The following VAT1 variants were observed in gnomAD, a reference collection of about 807,000 sequenced individuals.
VAT1 encodes the protein NADPH-dependent quinone oxidoreductase VAT1.
A neutral mutation model predicts 33.3 loss-of-function variants in VAT1; 24 were observed. The ratio of observed to expected loss-of-function variants is 0.72; its 90% CI spans 0.52 to 1.01. The LOEUF is 1.01. VAT1 is among the 50% of genes least tolerant of loss of function. The pLI is 0.00. For missense variants in VAT1, 436 were observed against 533.7 expected, an observed-to-expected ratio of 0.82 and a Z score of 1.80; for synonymous variants, 212 against 225.0, an observed-to-expected ratio of 0.94 and a Z score of 0.52.
chr17:43,016,526 G>A lies in VAT1; in HGVS notation c.879C>T (p.Gly293=). 1 of 1,613,524 alleles carries A rather than the reference G, an allele frequency of 6.2e-7. No individual in the cohort carries two copies. Among genetic ancestry groups the A allele is most frequent in the Non-Finnish European group, 8.5e-7 (1 of 1,179,946 alleles). Residue 293 remains glycine (G), a synonymous_variant, in exon 5 of 6, where the codon GGC becomes GGT. Coordinates refer to ENST00000355653, the MANE Select transcript of VAT1 (RefSeq NM_006373.4). ...CCAGGGCCATCAGGTTCCGTTTGGG[G>A]CCCGTCAGCAGGTTGGCCATTCCTG... ...VTYGMANLLT[G]PKRNLMALAR...
Position 43,022,139 on chromosome 17 carries a change from C to A in VAT1, c.184G>T (p.Val62Leu), listed in dbSNP as rs1227842547. The A allele has an allele frequency of 2.6e-6, 4 of 1,560,984 alleles. No homozygotes were observed. The highest frequency in any genetic ancestry group is 1.2e-5 in the South Asian group (1 of 85,940). Residue 62 changes from valine (V) to leucine (L), a missense_variant, in exon 1 of 6, where the codon GTG becomes TTG. By Grantham distance (32) the Val-to-Leu change is conservative. This residue lies in a region of VAT1 where 154 missense variants were observed against 128.3 expected (regional missense o/e 1.20). Transcript: ENST00000355653. The part of the protein sequence containing the change: ...VLTGFGGYDK[V>L]KLQSRPAAPP... ...GCTGCCGGCCGGCTCTGCAGCTTCA[C>A]CTTGTCGTAGCCTCCAAAGCCGGTG...
rs1020956035 is a variant in VAT1 at position 43,022,305 on chromosome 17, C to T, written c.18G>A (p.Glu6=). The change falls in exon 1 of 6, where the codon GAG becomes GAA. Residue 6 remains glutamate (E), a synonymous_variant. Transcript: ENST00000355653. MSDER[E]VAEAATGEDA... ...CTTCCCCGGTCGCTGCCTCGGCTAC[C>T]TCTCTCTCGTCGGACATGGCTGGGA... is the stretch of plus-strand genomic sequence containing the variant. 2 of 1,583,512 alleles carry T rather than the reference C, an allele frequency of 1.3e-6. No homozygotes were observed. The highest frequency in any genetic ancestry group is 1.7e-6 in the Non-Finnish European group (2 of 1,167,374).
chr17:43,016,533 A>G lies in VAT1; in HGVS notation c.872T>C (p.Leu291Pro), dbSNP rs1460676271. 4.3e-6 allele frequency: 7 copies of G among 1,613,278 alleles called. No homozygotes were observed. The highest frequency in any genetic ancestry group is 5.9e-6 in the Non-Finnish European group (7 of 1,179,930). ...CATCAGGTTCCGTTTGGGGCCCGTC[A>G]GCAGGTTGGCCATTCCTGAAGGACA... Reference protein sequence around the residue: ...KVVTYGMANLLTGPKRNLMAL... With the variant: ...KVVTYGMANLPTGPKRNLMAL... The change falls in exon 5 of 6, where the codon CTG (leucine) becomes CCG (proline). Residue 291 changes from leucine (L) to proline (P), a missense_variant. Physicochemically the swap from Leu to Pro is moderately conservative, Grantham distance 98. This residue lies in a region of VAT1 where 282 missense variants were observed against 405.4 expected (regional missense o/e 0.70). Coordinates refer to ENST00000355653, the MANE Select transcript of VAT1 (RefSeq NM_006373.4).
intron 1 of VAT1, among the ~76,000 whole-genome samples, chr17:43,019,761 C>G (rs1227085771): frequency 6.6e-6 from 1 of 152,150 alleles, no homozygotes; most frequent in Non-Finnish European, 1.5e-5. Context: ...CTTCTCTGCG[C>G]TCTCTGAAGA....
At chr17:43,019,169 A>C (rs1003066028) in intron 1 of VAT1, 1 of 215,534 alleles carries the variant, frequency 4.6e-6, no homozygotes, top group Non-Finnish European at 9.3e-6. Context: ...TGTGGAAAAG[A>C]TCAAACTGCT....
rs1281291111 is a variant in VAT1 at position 43,014,736 on chromosome 17, TC to T, written c.*1324del. 1.3e-5 allele frequency: 2 copies of T among 155,250 alleles called. No homozygotes were observed. The highest frequency in any genetic ancestry group is 2.9e-5 in the Non-Finnish European group (2 of 69,864). The allele number at this position is 155,250 out of a possible 1,614,324, so 9.6% of individuals were successfully genotyped here. On this transcript the variant is annotated 3_prime_UTR_variant, in exon 6 of 6. Coordinates refer to ENST00000355653, the MANE Select transcript of VAT1 (RefSeq NM_006373.4). Reference sequence around the variant, plus strand: ...TTAGACAATGAGGAGGCTGAGCCTGTCCCTCCACCTCCCATTGCAATGGTTG... The same window carrying T: ...TTAGACAATGAGGAGGCTGAGCCTGTCCTCCACCTCCCATTGCAATGGTTG...
In VAT1 at chr17:43,016,455, A is replaced by AGCAGCT; in HGVS notation, c.944_949dup (p.Gln315_Leu316dup). 1 of 1,614,234 alleles carries AGCAGCT rather than the reference A, an allele frequency of 6.2e-7. No homozygotes were observed. On this transcript the variant is annotated inframe_insertion, in exon 5 of 6. Transcript: ENST00000355653. The stretch of plus-strand genomic sequence containing the variant: ...GCCACACACAGCCCGGTTGGCCTGC[A>AGCAGCT]GCAGCTGCAGAGCTGTCACGCTGAA...
chr17:43,016,467 G>C lies in VAT1; in HGVS notation c.938C>G (p.Ala313Gly), dbSNP rs1474063568. 1.2e-6 allele frequency: 2 copies of C among 1,614,106 alleles called. No homozygotes were observed. Residue 313 changes from alanine (A) to glycine (G), a missense_variant, in exon 5 of 6, where the codon GCT (alanine) becomes GGT (glycine). Physicochemically the swap from Ala to Gly is moderately conservative, Grantham distance 60. Around this residue, in one of 2 missense-constraint regions of VAT1, gnomAD observed 282 missense variants for 405.4 expected, o/e 0.70. Coordinates refer to ENST00000355653, the MANE Select transcript of VAT1 (RefSeq NM_006373.4). ...RTWWNQFSVTALQLLQANRAV... is the reference protein window; with the variant it reads ...RTWWNQFSVTGLQLLQANRAV... The stretch of plus-strand genomic sequence containing the variant: ...CCGGTTGGCCTGCAGCAGCTGCAGA[G>C]CTGTCACGCTGAACTGATTCCACCA...
At chr17:43,016,778 G>A (rs1159068684) in intron 4 of VAT1, among the ~76,000 whole-genome samples, 4 of 152,142 alleles carry the variant, frequency 2.6e-5, no homozygotes, top group Non-Finnish European at 5.9e-5. Flanking sequence ...AGCACTCTGG[G>A]AAGCCAAGGT....
chr17:43,020,062 C>A, intron 1 of VAT1: 1 of 979,972 alleles, frequency 1.0e-6, no homozygotes, highest in Non-Finnish European at 1.2e-6. Flanking sequence ...TACAGAACAA[C>A]CCAGGAGAGC....
At chr17:43,016,220 CCCT>C (rs1487596440) in intron 5 of VAT1, 76 bp from the exon 6 acceptor site, 1 of 1,609,670 alleles carries the variant, frequency 6.2e-7, no homozygotes, top group Non-Finnish European at 8.5e-7. Flanking sequence ...ATGCAGGCAG[CCCT>C]CCTCTTCCCC....
At chr17:43,017,698 G>T in intron 4 of VAT1, 143 bp downstream of exon 4, 1 of 671,806 alleles carries the variant, frequency 1.5e-6, no homozygotes, top group Non-Finnish European at 2.6e-6. Context: ...GCAGCATACA[G>T]GACCATTCCT....
chr17:43,016,613 G>A lies in VAT1; in HGVS notation c.857-65C>T, dbSNP rs553339804. ...CACATCCCTGTGTGTCTGCATCTGT[G>A]CTCTCTGTTCCCTGTGATCCCCTTG... On this transcript the variant is annotated intron_variant, in intron 4 of 5. Coordinates refer to ENST00000355653, the MANE Select transcript of VAT1 (RefSeq NM_006373.4). 264 of 1,583,848 alleles carry A rather than the reference G, an allele frequency of 1.7e-4. No homozygotes were observed. The African/African-American group carries it at 3.3e-3, about 20-fold the overall frequency.
rs2050521024 is a variant in VAT1 at position 43,016,432 on chromosome 17, C to T, written c.973G>A (p.Gly325Ser). The T allele has an allele frequency of 6.2e-7, 1 of 1,614,066 alleles. No homozygotes were observed. The highest frequency in any genetic ancestry group is 1.7e-5 in the Admixed American group (1 of 60,010). Residue 325 changes from glycine to serine, a missense_variant, in exon 5 of 6, where the codon GGC becomes AGC. Physicochemically the swap from Gly to Ser is moderately conservative, Grantham distance 56. Transcript: ENST00000355653. ...CCATCCAGGTAGCCCAGGTGGAAGCCACACACAGCCCGGTTGGCCTGCAGC... is the reference window on the plus strand; with the variant it reads ...CCATCCAGGTAGCCCAGGTGGAAGCTACACACAGCCCGGTTGGCCTGCAGC... ...QLLQANRAVC[G>S]FHLGYLDGEV... is the part of the protein sequence containing the mutation.
chr17:43,021,588 G>A lies in VAT1; in HGVS notation c.387+348C>T, dbSNP rs573540989. ...CCCAGAGAGTGTTTGGTGGGTAGGG[G>A]TACAGGTGTGGTTTTAATGGGGGGG... is the stretch of plus-strand genomic sequence containing the variant. On this transcript the variant is annotated intron_variant, in intron 1 of 5. Coordinates refer to ENST00000355653, the MANE Select transcript of VAT1 (RefSeq NM_006373.4). Among the ~76,000 whole-genome samples, 140 of 141,076 alleles carry A rather than the reference G, an allele frequency of 9.9e-4. 1 individual carries two copies. Among genetic ancestry groups the A allele is most frequent in the Non-Finnish European group, 1.7e-3 (112 of 65,100 alleles). 92.6% of individuals were successfully genotyped at this position (141,076 alleles called of 152,430 possible). A position where few individuals can be genotyped will look rare whatever the true frequency, so the allele number is the denominator to read the frequency against.
At chr17:43,021,696 T>C (rs1403610632) in intron 1 of VAT1, among the ~76,000 whole-genome samples, 3 of 151,578 alleles carry the variant, frequency 2.0e-5, no homozygotes, top group Non-Finnish European at 4.4e-5. Flanking sequence ...GCACAGCTTC[T>C]GGGCGGCGGC....
chr17:43,017,948 A>G lies in VAT1; in HGVS notation c.767-18T>C. 1 of 1,614,052 alleles carries G rather than the reference A, an allele frequency of 6.2e-7. No individual in the cohort carries two copies. The highest frequency in any genetic ancestry group is 8.5e-7 in the Non-Finnish European group (1 of 1,179,942). ...GTCCACTCCTGTCATAGAGTAGGGG[A>G]ACCCAAGAACAACATTAGGATCCAC... is the stretch of plus-strand genomic sequence containing the variant. On this transcript the variant is annotated intron_variant, in intron 3 of 5. Transcript: ENST00000355653.
chr17:43,017,354 G>A (rs1402576445), intron 4 of VAT1, among the ~76,000 whole-genome samples: 1 of 151,240 alleles, frequency 6.6e-6, no homozygotes. Flanking sequence ...AGGCTGAGGC[G>A]GCTGGATCAC....
At position 43,016,293 on chromosome 17, in the gene VAT1, G is replaced by A. The variant is rs369564087; in HGVS notation, c.1098+14C>T. The A allele has an allele frequency of 5.6e-6, 9 of 1,607,444 alleles. No individual in the cohort carries two copies. In the African/African-American group the frequency reaches 1.1e-4, roughly 19 times the overall value. On this transcript the variant is annotated intron_variant, in intron 5 of 5. Transcript: ENST00000355653. The stretch of plus-strand genomic sequence containing the variant: ...GTCCTACCCAAGCCCTCCCTGCAAA[G>A]TCCTCACATTCACCTTCTCGAAGGG...
Sources: allele counts gnomAD v4.1 joint callset (sites outside exome capture counted in the v4.1 genomes callset), GRCh38; gene constraint gnomAD v4.1.1; regional missense constraint gnomAD v4.1.1; transcripts MANE v1.5; gene names NCBI Gene and HGNC (gene_info 2026-07-23, HGNC 2026-07-21).